FUT8: variants seen among roughly 807,000 people sequenced by gnomAD.
The protein encoded by FUT8 is fucosyltransferase 8.
A neutral mutation model predicts 71.3 loss-of-function variants in FUT8; 29 were observed. The ratio of observed to expected loss-of-function variants is 0.41; its 90% CI spans 0.30 to 0.55. The LOEUF is 0.55. Ranked by LOEUF, FUT8 falls within the 20% of genes least tolerant of loss-of-function variation. The pLI is 0.34. For synonymous variants in FUT8, 254 were observed against 239.3 expected (o/e 1.06, Z -0.57); for missense variants, 544 against 702.1 (o/e 0.77, Z 2.55).
rs763094425 is a variant in FUT8 at position 65,721,839 on chromosome 14, T to C, written c.900T>C (p.Arg300=). 2 of 1,614,192 alleles carry C rather than the reference T, an allele frequency of 1.2e-6. No individual in the cohort carries two copies. The highest frequency in any genetic ancestry group is 2.2e-5 in the South Asian group (2 of 91,088). ...ELPIVDSLHP[R]PPYLPLAVPE... The stretch of plus-strand genomic sequence containing the variant: ...CCATTGTAGACAGTCTTCATCCCCG[T>C]CCTCCATATTTACCCTTGGCTGTAC... The change falls in exon 8 of 11, where the codon CGT becomes CGC. Residue 300 remains arginine (R), a synonymous_variant. Transcript: ENST00000673929.
intron 6 of FUT8, among the ~76,000 whole-genome samples, chr14:65,639,983 T>C (rs1890751138): frequency 6.6e-6 from 1 of 152,140 alleles, no homozygotes; most frequent in South Asian, 2.1e-4. Flanking sequence ...GCCAAATACA[T>C]TTTAATGTGC....
chr14:65,581,373 G>A (rs887695830), intron 3 of FUT8, among the ~76,000 whole-genome samples: 1 of 152,108 alleles, frequency 6.6e-6, no homozygotes, highest in East Asian at 1.9e-4. Flanking sequence ...TAACCAGTTA[G>A]TCTCAGGTAC....
rs2140255769 is a variant in FUT8 at position 65,627,277 on chromosome 14, T to C, written c.483-2215T>C. On this transcript the variant is annotated intron_variant, in intron 5 of 10. Coordinates refer to ENST00000673929, the MANE Select transcript of FUT8 (RefSeq NM_001371533.1). This position sits in a 1 kb window ranked among gnomAD's most constrained non-coding sequence, Gnocchi z 4.0. ...AGCAGGGAAGGAGTGTTAGCAGCAG[T>C]GAATCCATACGGGCCTGCAGCAGCT... 6.6e-6 allele frequency among the ~76,000 whole-genome samples: 1 copy of C among 152,192 alleles called. No homozygotes were observed. The highest frequency in any genetic ancestry group is 1.9e-4 in the East Asian group (1 of 5,184).
chr14:65,439,993 T>TATATATATATATATACAC (rs1555361023), intron 1 of FUT8, among the ~76,000 whole-genome samples: 1 of 138,168 alleles, frequency 7.2e-6, no homozygotes, highest in African/African-American at 2.6e-5. Context: ...TATATATATG[T>TATATATATATATATACAC]ACACACACAC....
chr14:65,368,725 G>T, the FUT8 span, among the ~76,000 whole-genome samples: 1 of 151,006 alleles, frequency 6.6e-6, no homozygotes, highest in Admixed American at 6.6e-5. Context: ...GTTTCACCGT[G>T]TTAGCCAGGA....
chr14:65,445,863 G>A (rs1225610308), intron 1 of FUT8, among the ~76,000 whole-genome samples: 1 of 152,182 alleles, frequency 6.6e-6, no homozygotes, highest in Non-Finnish European at 1.5e-5. Context: ...CCTAGGCTCA[G>A]GTGATCCCCC....
chr14:65,653,228 T>G lies in FUT8; in HGVS notation c.598-16015T>G, dbSNP rs376308627. On this transcript the variant is annotated intron_variant, in intron 6 of 10. Coordinates refer to ENST00000673929, the MANE Select transcript of FUT8 (RefSeq NM_001371533.1). The stretch of plus-strand genomic sequence containing the variant: ...GAACTGGAAATATTGCCAGGGCTAT[T>G]TATTTATTTATTAGTTTATTTTTGA... 1.1e-4 allele frequency among the ~76,000 whole-genome samples: 16 copies of G among 152,188 alleles called. No homozygotes were observed. In the East Asian group the frequency reaches 2.1e-3, roughly 20 times the overall value.
chr14:65,559,094 T>C (rs1052385675), intron 2 of FUT8, among the ~76,000 whole-genome samples: 8 of 152,194 alleles, frequency 5.3e-5, no homozygotes, highest in Non-Finnish European at 1.2e-4. Flanking sequence ...TTATGCTGGC[T>C]TTAAATATTA....
At chr14:65,405,708 G>A (rs1220300745), upstream of FUT8, among the ~76,000 whole-genome samples, 2 of 152,190 alleles carry the variant, frequency 1.3e-5, no homozygotes, top group Non-Finnish European at 2.9e-5. Flanking sequence ...AGCAAAACCT[G>A]GAACTGAGAA....
intron 3 of FUT8, among the ~76,000 whole-genome samples, chr14:65,591,035 T>C (rs185055391): frequency 1.3e-4 from 20 of 152,308 alleles, no homozygotes; most frequent in African/African-American, 4.3e-4. Flanking sequence ...ACATAAAACA[T>C]ACATTTTTCT....
At chr14:65,650,107 T>C (rs1016536157) in intron 6 of FUT8, among the ~76,000 whole-genome samples, 2 of 146,176 alleles carry the variant, frequency 1.4e-5, no homozygotes, top group African/African-American at 2.4e-5. Context: ...CCATCCTCGC[T>C]AACACAGTGA....
At chr14:65,601,700 A>G (rs1250837027) in intron 3 of FUT8, among the ~76,000 whole-genome samples, 1 of 152,212 alleles carries the variant, frequency 6.6e-6, no homozygotes, top group Admixed American at 6.5e-5. Flanking sequence ...ATATTTTTAC[A>G]GTAATATTCT....
the FUT8 span, among the ~76,000 whole-genome samples, chr14:65,404,632 A>C: frequency 6.6e-6 from 1 of 151,780 alleles, no homozygotes; most frequent in Non-Finnish European, 1.5e-5. Flanking sequence ...GTGCCACCAC[A>C]CCCAGCTAAT....
intron 2 of FUT8, among the ~76,000 whole-genome samples, chr14:65,536,383 G>C (rs1303313923): frequency 1.3e-5 from 2 of 152,168 alleles, no homozygotes; most frequent in African/African-American, 4.8e-5. Context: ...TTTTGTAGTG[G>C]TTGCTAATGG....
chr14:65,677,173 CGTATGTGTGTGCGCAT>C (rs1566890757), intron 7 of FUT8, among the ~76,000 whole-genome samples: 4 of 108,274 alleles, frequency 3.7e-5, no homozygotes, highest in African/African-American at 1.8e-4. Context: ...TGCGCGCGCA[CGTATGTGTGTGCGCAT>C]GTGTGTTTTT....
intron 2 of FUT8, chr14:65,457,974 A>T (rs891333943): frequency 2.0e-5 from 3 of 152,048 alleles, no homozygotes; most frequent in African/African-American, 7.2e-5. Flanking sequence ...CGAGGTCAGG[A>T]GATCGAGACC....
Position 65,413,575 on chromosome 14 carries a change from C to G in FUT8, c.-326+361C>G, listed in dbSNP as rs1035698173. On this transcript the variant is annotated intron_variant, in intron 1 of 10. Transcript: ENST00000673929. The surrounding 1 kb of genome is among the most constrained non-coding windows in gnomAD (Gnocchi z 4.1). ...CGGGGGTGGGAGGTGTCCGTCGTTT[C>G]CCCTCCACACCTACCTTCCCTTCGT... Among the ~76,000 whole-genome samples, 1 of 152,172 alleles carries G rather than the reference C, an allele frequency of 6.6e-6. No individual in the cohort carries two copies. Among genetic ancestry groups the G allele is most frequent in the Non-Finnish European group, 1.5e-5 (1 of 68,020 alleles).
intron 6 of FUT8, among the ~76,000 whole-genome samples, chr14:65,632,304 G>GT (rs1296861768): frequency 1.3e-5 from 2 of 152,162 alleles, no homozygotes; most frequent in Non-Finnish European, 2.9e-5. Flanking sequence ...TCTCCACACT[G>GT]TTTTCCCTAG....
chr14:65,560,980 A>G (rs1885886601), intron 2 of FUT8, among the ~76,000 whole-genome samples: 1 of 152,196 alleles, frequency 6.6e-6, no homozygotes, highest in Non-Finnish European at 1.5e-5. Context: ...ATAGCCCAAA[A>G]TATGTGGTTG....
Sources: allele counts gnomAD v4.1 joint callset (sites outside exome capture counted in the v4.1 genomes callset), GRCh38; gene constraint gnomAD v4.1.1; non-coding constraint Gnocchi (gnomAD v3.1); transcripts MANE v1.5; gene names NCBI Gene and HGNC (gene_info 2026-07-23, HGNC 2026-07-21).